Variants in TMEM117 observed in about 807,000 individuals in gnomAD.
TMEM117 encodes transmembrane protein 117.
Under a neutral mutation model 52.4 loss-of-function variants are expected in TMEM117, and 27 were observed. The ratio of observed to expected loss-of-function variants is 0.51; its 90% CI spans 0.38 to 0.71. TMEM117 has a LOEUF of 0.71. Ranked by LOEUF, TMEM117 falls within the 30% of genes least tolerant of loss-of-function variation. The pLI, the probability that TMEM117 is intolerant of heterozygous loss-of-function variation, is 0.00. For missense variants in TMEM117, 556 were observed against 630.5 expected (o/e 0.88, Z 1.26); for synonymous variants, 215 against 206.3 (o/e 1.04, Z -0.36).
intron 5 of TMEM117, among the ~76,000 whole-genome samples, chr12:44,222,806 A>G (rs905356668): frequency 4.6e-5 from 7 of 152,184 alleles, no homozygotes; most frequent in African/African-American, 1.7e-4. Context: ...TTGGCTTAAT[A>G]GTTCCAAAAC....
intron 3 of TMEM117, among the ~76,000 whole-genome samples, chr12:44,060,178 G>C (rs1451545041): frequency 3.9e-5 from 6 of 152,190 alleles, no homozygotes; most frequent in Non-Finnish European, 4.4e-5. Flanking sequence ...TACGTGGGAA[G>C]CTTCATAGAT....
intron 5 of TMEM117, among the ~76,000 whole-genome samples, chr12:44,250,939 G>A (rs925836459): frequency 8.5e-5 from 13 of 152,064 alleles, no homozygotes; most frequent in African/African-American, 3.1e-4. Flanking sequence ...AACCACCATG[G>A]CACATGTATA....
At chr12:44,229,807 T>C (rs891653040) in intron 5 of TMEM117, among the ~76,000 whole-genome samples, 1 of 152,150 alleles carries the variant, frequency 6.6e-6, no homozygotes, top group Non-Finnish European at 1.5e-5. Flanking sequence ...AAATTTGTTA[T>C]AGATTACATG....
chr12:44,256,831 T>C (rs1950265193), intron 5 of TMEM117, among the ~76,000 whole-genome samples: 1 of 151,950 alleles, frequency 6.6e-6, no homozygotes, highest in Non-Finnish European at 1.5e-5. Context: ...CAATTGTTTC[T>C]ACAGGTTATT....
intron 5 of TMEM117, among the ~76,000 whole-genome samples, chr12:44,241,011 T>C (rs1413256750): frequency 1.3e-5 from 2 of 151,960 alleles, no homozygotes; most frequent in African/African-American, 2.4e-5. Flanking sequence ...TGTGAATTGG[T>C]TTCAGAGCCC....
chr12:44,128,789 T>G (rs1786461762), intron 3 of TMEM117, among the ~76,000 whole-genome samples: 1 of 152,212 alleles, frequency 6.6e-6, no homozygotes, highest in African/African-American at 2.4e-5. Flanking sequence ...CATCATATAT[T>G]GGTGGCATGA....
chr12:44,332,968 A>T (rs749288002), intron 6 of TMEM117, among the ~76,000 whole-genome samples: 4 of 152,052 alleles, frequency 2.6e-5, no homozygotes, highest in Admixed American at 6.6e-5. Flanking sequence ...TGCAACTGAC[A>T]TTAAGAGATT....
chr12:43,939,196 C>A (rs1592378325), intron 2 of TMEM117, among the ~76,000 whole-genome samples: 1 of 152,190 alleles, frequency 6.6e-6, no homozygotes, highest in East Asian at 1.9e-4. Context: ...CTCCAACAAA[C>A]CAAATATACT....
chr12:44,004,005 T>C (rs566057927), intron 3 of TMEM117, among the ~76,000 whole-genome samples: 19 of 152,308 alleles, frequency 1.2e-4, no homozygotes, highest in African/African-American at 4.6e-4. Context: ...AATATGCTTT[T>C]TTCTGGAGCC....
At chr12:44,318,545 C>T (rs528785536) in intron 6 of TMEM117, among the ~76,000 whole-genome samples, 21 of 152,216 alleles carry the variant, frequency 1.4e-4, no homozygotes, top group African/African-American at 4.8e-4. Context: ...GGAGATTTGC[C>T]TGGGCATGAA....
intron 6 of TMEM117, among the ~76,000 whole-genome samples, chr12:44,345,312 C>T (rs1461731284): frequency 6.6e-6 from 1 of 152,034 alleles, no homozygotes; most frequent in Non-Finnish European, 1.5e-5. Flanking sequence ...GCTCCTATTT[C>T]TTCAGGGCAT....
chr12:44,278,989 G>A (rs564884139), intron 5 of TMEM117, among the ~76,000 whole-genome samples: 7 of 152,134 alleles, frequency 4.6e-5, no homozygotes, highest in Non-Finnish European at 8.8e-5. Context: ...AGAAGTACAT[G>A]ATAGTCTTCT....
At chr12:44,135,643 G>A (rs1565843137) in intron 3 of TMEM117, among the ~76,000 whole-genome samples, 1 of 151,928 alleles carries the variant, frequency 6.6e-6, no homozygotes, top group African/African-American at 2.4e-5. Context: ...AAGAAGAAAG[G>A]GAAGAAGAAG....
chr12:43,868,201 G>GC (rs539268191), intron 2 of TMEM117, among the ~76,000 whole-genome samples: 13 of 18,876 alleles, frequency 6.9e-4, no homozygotes, highest in African/African-American at 2.3e-3. Context: ...CCCAACCCCC[G>GC]CCCCCCGCCA....
intron 3 of TMEM117, among the ~76,000 whole-genome samples, chr12:43,983,859 C>A (rs1205984107): frequency 2.0e-5 from 3 of 151,366 alleles, no homozygotes; most frequent in Admixed American, 2.0e-4. Flanking sequence ...TTAAAAAAAT[C>A]AAAAAAGAAC....
At chr12:43,852,910 T>C (rs149491008) in intron 2 of TMEM117, among the ~76,000 whole-genome samples, 12 of 152,296 alleles carry the variant, frequency 7.9e-5, no homozygotes, top group African/African-American at 2.9e-4. Context: ...GAGCTGTCAG[T>C]CTCTCAACAA....
the TMEM117 span, chr12:43,802,520 G>T: frequency 2.4e-6 from 3 of 1,254,430 alleles, no homozygotes; most frequent in Non-Finnish European, 3.4e-6. Context: ...TCAAGTGGTA[G>T]TGTGATGAAG....
chr12:43,899,443 A>G lies in TMEM117; in HGVS notation c.278-44767A>G, dbSNP rs186110224. On this transcript the variant is annotated intron_variant, in intron 2 of 7. Coordinates refer to ENST00000266534, the MANE Select transcript of TMEM117 (RefSeq NM_032256.3). ...TGTATGTACAATGTAAAACATTGGT[A>G]GTTCATATATTCATTTTTAAGTGGC... Among the ~76,000 whole-genome samples the G allele has an allele frequency of 1.8e-4, 28 of 152,368 alleles. No individual in the cohort carries two copies. The East Asian group carries it at 5.0e-3, about 27-fold the overall frequency.
chr12:44,344,453 T>G (rs1422193807), intron 6 of TMEM117, among the ~76,000 whole-genome samples: 1 of 152,102 alleles, frequency 6.6e-6, no homozygotes, highest in Non-Finnish European at 1.5e-5. Context: ...TTTTCATTTC[T>G]GCTAGGCCTC....
Sources: allele counts gnomAD v4.1 joint callset (sites outside exome capture counted in the v4.1 genomes callset), GRCh38; gene constraint gnomAD v4.1.1; transcripts MANE v1.5; gene names NCBI Gene and HGNC (gene_info 2026-07-23, HGNC 2026-07-21).